The following ARHGEF10 variants were observed in gnomAD, a reference collection of about 807,000 sequenced individuals.
ARHGEF10 encodes Rho guanine nucleotide exchange factor 10.
In ARHGEF10, 140 loss-of-function variants were observed where a neutral mutation model predicts 147.4. The ratio of observed to expected loss-of-function variants is 0.95; its 90% CI spans 0.83 to 1.09. The LOEUF is 1.09. ARHGEF10 is among the 50% of genes least tolerant of loss of function. The pLI, the probability that ARHGEF10 is intolerant of heterozygous loss-of-function variation, is 0.00. For synonymous variants in ARHGEF10, 902 were observed against 695.8 expected (o/e 1.30, Z -4.67); for missense variants, 2,222 against 1,752.7 (o/e 1.27, Z -4.78).
intron 24 of ARHGEF10, 131 bp downstream of exon 24, chr8:1,928,781 G>C (rs903125064): frequency 1.9e-5 from 20 of 1,030,820 alleles, no homozygotes; most frequent in Non-Finnish European, 2.8e-5. Flanking sequence ...GGGGATACCA[G>C]GGGAAATTTT....
At chr8:1,921,963 T>C (rs899548195) in intron 18 of ARHGEF10, among the ~76,000 whole-genome samples, 1 of 152,070 alleles carries the variant, frequency 6.6e-6, no homozygotes, top group Non-Finnish European at 1.5e-5. Flanking sequence ...GACAATTTAT[T>C]TCTATGAGAA....
At chr8:1,946,666 C>T (rs934263147) in intron 27 of ARHGEF10, among the ~76,000 whole-genome samples, 2 of 152,186 alleles carry the variant, frequency 1.3e-5, no homozygotes, top group Non-Finnish European at 2.9e-5. Context: ...GCTTCAACAT[C>T]GAAATCTGGG....
At chr8:1,911,166 T>C (rs2129186213) in intron 18 of ARHGEF10, among the ~76,000 whole-genome samples, 1 of 152,320 alleles carries the variant, frequency 6.6e-6, no homozygotes, top group South Asian at 2.1e-4. Context: ...ATATGCCACA[T>C]TGGAGAGTAA....
At position 1,956,561 on chromosome 8, in the gene ARHGEF10, G is replaced by A. The variant is rs148174991; in HGVS notation, c.3521-188G>A. 3.2e-3 allele frequency among the ~76,000 whole-genome samples: 493 copies of A among 152,242 alleles called. 5 individuals are homozygous for A. The highest frequency in any genetic ancestry group is 0.011 in the African/African-American group (476 of 41,530). On this transcript the variant is annotated intron_variant, in intron 28 of 28. Transcript: ENST00000349830. ...ATTTTTAAAGCCTTTTTCACATTAA[G>A]TAAAAACCCAGAGGAATATAATCCA...
intron 18 of ARHGEF10, among the ~76,000 whole-genome samples, chr8:1,920,349 G>A (rs909545109): frequency 3.9e-5 from 6 of 152,046 alleles, no homozygotes; most frequent in Non-Finnish European, 8.8e-5. Context: ...TTGATACAAG[G>A]CCTTGTTTGG....
intron 1 of ARHGEF10, among the ~76,000 whole-genome samples, chr8:1,830,109 T>G (rs1803000647): frequency 6.6e-6 from 1 of 152,192 alleles, no homozygotes; most frequent in Non-Finnish European, 1.5e-5. Context: ...CCGTTCTGTC[T>G]GCAGACGGCC....
At chr8:1,875,397 G>C (rs537945593) in intron 7 of ARHGEF10, among the ~76,000 whole-genome samples, 19 of 152,228 alleles carry the variant, frequency 1.2e-4, no homozygotes, top group African/African-American at 4.3e-4. Context: ...TAGGCTCTCA[G>C]GATGACTCTT....
Position 1,860,109 on chromosome 8 carries a change from C to T in ARHGEF10, c.406C>T (p.Pro136Ser). 1 of 1,614,070 alleles carries T rather than the reference C, an allele frequency of 6.2e-7. No individual in the cohort carries two copies. Among genetic ancestry groups the T allele is most frequent in the Non-Finnish European group, 8.5e-7 (1 of 1,180,008 alleles). Residue 136 changes from proline (P) to serine (S), a missense_variant, in exon 4 of 29, where the codon CCC (proline) becomes TCC (serine). Coordinates refer to ENST00000349830, the MANE Select transcript of ARHGEF10 (RefSeq NM_014629.4). ...GCCTGTACCCTGCGGCTATGCGGTG[C>T]CCTCCAACCTGCCCCTCCTGCTGCC... ...LVPVPCGYAV[P>S]SNLPLLLPAY...
rs546950264 is a variant in ARHGEF10 at position 1,920,787 on chromosome 8, T to G, written c.2144-2177T>G. ...TGGATCAGTTTGCTCTTTCGTTTTT[T>G]TTTGTTTGTTTGTTTTGATGGAGTT... On this transcript the variant is annotated intron_variant, in intron 18 of 28. Transcript: ENST00000349830. 2.2e-4 allele frequency among the ~76,000 whole-genome samples: 33 copies of G among 152,124 alleles called. No homozygotes were observed. In the South Asian group the frequency reaches 6.4e-3, roughly 30 times the overall value.
Position 1,933,879 on chromosome 8 carries a change from C to T in ARHGEF10, c.3159C>T (p.Asp1053=). The T allele has an allele frequency of 6.2e-7, 1 of 1,614,188 alleles. No homozygotes were observed. The change falls in exon 26 of 29, where the codon GAC becomes GAT. Residue 1053 remains aspartate, a synonymous_variant. Transcript: ENST00000349830. ...TTAGAAGTCTACTCATGATGGAAGA[C>T]ACGTTGTGGGCGGCTTCCGGAGGTC... ...LPVRSLLMME[D]TLWAASGGQV...
intron 1 of ARHGEF10, among the ~76,000 whole-genome samples, chr8:1,835,423 A>C (rs1442173338): frequency 6.6e-6 from 1 of 152,094 alleles, no homozygotes; most frequent in East Asian, 1.9e-4. Flanking sequence ...GGGCTGGGGC[A>C]GATGCAGACA....
chr8:1,876,511 A>G (rs957593339), intron 7 of ARHGEF10, 60 bp from the exon 8 acceptor site: 22 of 1,552,304 alleles, frequency 1.4e-5, no homozygotes, highest in Non-Finnish European at 1.9e-5. Flanking sequence ...ACAAACAGGC[A>G]CAAAACAGCC....
At chr8:1,935,855 G>A (rs890331250) in intron 26 of ARHGEF10, among the ~76,000 whole-genome samples, 2 of 152,224 alleles carry the variant, frequency 1.3e-5, no homozygotes, top group African/African-American at 4.8e-5. Flanking sequence ...CTCCTTGTGG[G>A]TGTTCCTAAA....
chr8:1,885,987 A>G (rs1025593243), intron 11 of ARHGEF10, among the ~76,000 whole-genome samples: 1 of 152,098 alleles, frequency 6.6e-6, no homozygotes, highest in African/African-American at 2.4e-5. Flanking sequence ...GCTGTGAGAA[A>G]GGGGAGGAAC....
intron 11 of ARHGEF10, among the ~76,000 whole-genome samples, chr8:1,892,328 T>TG (rs1563244756): frequency 1.7e-4 from 24 of 142,422 alleles, no homozygotes; most frequent in Non-Finnish European, 2.6e-4. Flanking sequence ...TGTGTGTGTG[T>TG]TTAATCCCAG....
chr8:1,952,605 G>C lies in ARHGEF10; in HGVS notation c.3398-100G>C, dbSNP rs1815143761. 3 of 1,503,494 alleles carry C rather than the reference G, an allele frequency of 2.0e-6. No individual in the cohort carries two copies. In the Admixed American group the frequency reaches 5.2e-5, roughly 26 times the overall value. The allele number at this position is 1,503,494 out of a possible 1,614,324, so 93.1% of individuals were successfully genotyped here. On this transcript the variant is annotated intron_variant, in intron 27 of 28. Transcript: ENST00000349830. ...ACATCCTGCCCCTGGCGGATTTGGTGGTGGCACGACAGGCCTGTGGGGTTT... is the reference window on the plus strand; with the variant it reads ...ACATCCTGCCCCTGGCGGATTTGGTCGTGGCACGACAGGCCTGTGGGGTTT...
intron 2 of ARHGEF10, among the ~76,000 whole-genome samples, chr8:1,855,068 C>A (rs1014364688): frequency 2.0e-5 from 3 of 152,044 alleles, no homozygotes; most frequent in African/African-American, 7.2e-5. Context: ...GCCTTCCTTC[C>A]TGAAGACTTT....
intron 27 of ARHGEF10, among the ~76,000 whole-genome samples, chr8:1,947,636 C>T (rs1814697259): frequency 6.7e-6 from 1 of 149,526 alleles, no homozygotes; most frequent in Non-Finnish European, 1.5e-5. Flanking sequence ...CCCAGCACCC[C>T]ACCCACTGTC....
intron 4 of ARHGEF10, 90 bp from the exon 5 acceptor site, chr8:1,864,283 G>A: frequency 7.7e-7 from 1 of 1,306,724 alleles, no homozygotes; most frequent in Non-Finnish European, 1.1e-6. Flanking sequence ...TGATAGGAAA[G>A]TGTGAAACCA....
Sources: gnomAD v4.1 joint callset for allele counts (sites outside exome capture counted in the v4.1 genomes callset) on GRCh38, gnomAD v4.1.1 for gene constraint, MANE v1.5 for transcripts, NCBI Gene and HGNC (gene_info 2026-07-23, HGNC 2026-07-21) for gene names.